PHF21A: variants seen among roughly 807,000 people sequenced by gnomAD.
PHF21A encodes the protein PHD finger protein 21A, also known as BHC80a.
Under a neutral mutation model 82.5 loss-of-function variants are expected in PHF21A, and 11 were observed. The observed-to-expected ratio is 0.13, with a 90% CI of 0.08 to 0.22. The LOEUF is 0.22. Ranked by LOEUF, PHF21A falls within the 10% of genes least tolerant of loss-of-function variation. The pLI, the probability that PHF21A is intolerant of heterozygous loss-of-function variation, is 1.00. For synonymous variants in PHF21A, 297 were observed against 302.8 expected, an observed-to-expected ratio of 0.98 and a Z score of 0.20; for missense variants, 579 against 837.8, an observed-to-expected ratio of 0.69 and a Z score of 3.81.
intron 18 of PHF21A, chr11:45,934,478 A>G: frequency 2.0e-6 from 1 of 488,160 alleles, no homozygotes; most frequent in Non-Finnish European, 3.6e-6. Flanking sequence ...GCGGGCACCA[A>G]CACACAGGAG....
intron 10 of PHF21A, among the ~76,000 whole-genome samples, chr11:45,961,372 A>G (rs986556170): frequency 6.6e-6 from 1 of 152,212 alleles, no homozygotes; most frequent in African/African-American, 2.4e-5. Flanking sequence ...GATTGAAGGC[A>G]AAGCAAAATC....
In PHF21A at chr11:45,949,523, G is replaced by C. The variant is rs1349739975; in HGVS notation, c.1148-42C>G. On this transcript the variant is annotated intron_variant, in intron 12 of 18. Transcript: ENST00000676320. ...GTTTTCATTAGCAGAGAGGCATGGA[G>C]AACCTAAAAAACTTAACTTCATTGT... is the stretch of plus-strand genomic sequence containing the variant. 4.0e-6 allele frequency: 6 copies of C among 1,512,966 alleles called. No homozygotes were observed. In the South Asian group the frequency reaches 6.7e-5, roughly 17 times the overall value. The allele number at this position is 1,512,966 out of a possible 1,614,324, so 93.7% of individuals were successfully genotyped here.
chr11:46,006,832 A>G (rs559507746), intron 6 of PHF21A, among the ~76,000 whole-genome samples: 183 of 152,362 alleles, frequency 1.2e-3, no homozygotes, highest in African/African-American at 4.2e-3. Flanking sequence ...TAATATTTCT[A>G]TTCTTTCCTT....
intron 6 of PHF21A, among the ~76,000 whole-genome samples, chr11:46,021,439 C>T (rs1015536423): frequency 6.6e-6 from 1 of 152,106 alleles, no homozygotes; most frequent in East Asian, 1.9e-4. Flanking sequence ...TCAGTATTGT[C>T]AATCTAGAAA....
chr11:45,958,188 A>C (rs977892115), intron 10 of PHF21A, among the ~76,000 whole-genome samples: 1 of 151,212 alleles, frequency 6.6e-6, no homozygotes, highest in African/African-American at 2.4e-5. Flanking sequence ...CAAACATTTA[A>C]AGAATTAGCA....
chr11:46,043,944 G>A (rs972740316), intron 6 of PHF21A, among the ~76,000 whole-genome samples: 6 of 152,144 alleles, frequency 3.9e-5, no homozygotes, highest in African/African-American at 1.4e-4. Flanking sequence ...TATACTTAAT[G>A]ATTTATATCA....
chr11:45,985,748 T>C (rs2094469353), intron 6 of PHF21A, among the ~76,000 whole-genome samples: 1 of 152,186 alleles, frequency 6.6e-6, no homozygotes, highest in Non-Finnish European at 1.5e-5. Context: ...CATATCCTTT[T>C]AAAATACCAC....
chr11:46,103,470 T>A (rs1302873034), intron 1 of PHF21A, among the ~76,000 whole-genome samples: 1 of 152,210 alleles, frequency 6.6e-6, no homozygotes, highest in Non-Finnish European at 1.5e-5. Flanking sequence ...CGAGCCAAAG[T>A]ACACCACTTT....
intron 6 of PHF21A, 130 bp downstream of exon 6, chr11:46,076,622 ATT>A: frequency 1.5e-6 from 1 of 680,286 alleles, no homozygotes; most frequent in Non-Finnish European, 2.5e-6. Context: ...CTCAAACAAA[ATT>A]AAAACCAAGT....
chr11:46,110,305 G>C (rs2097197605), intron 1 of PHF21A, among the ~76,000 whole-genome samples: 2 of 152,212 alleles, frequency 1.3e-5, no homozygotes, highest in East Asian at 3.9e-4. Context: ...CTACGTGACA[G>C]GAGTACACTT....
chr11:45,949,148 G>A (rs1348901910), intron 13 of PHF21A, among the ~76,000 whole-genome samples: 8 of 152,180 alleles, frequency 5.3e-5, no homozygotes, highest in African/African-American at 1.9e-4. Context: ...CTCTGTTGCC[G>A]ATGACAGCTG....
At chr11:45,943,105 T>A (rs1238781017) in intron 15 of PHF21A, among the ~76,000 whole-genome samples, 1 of 147,966 alleles carries the variant, frequency 6.8e-6, no homozygotes, top group Admixed American at 6.9e-5. Context: ...GCTATCATCA[T>A]CATCATCTTT....
At chr11:45,990,172 A>T (rs1345150850) in intron 6 of PHF21A, among the ~76,000 whole-genome samples, 1 of 151,824 alleles carries the variant, frequency 6.6e-6, no homozygotes, top group Admixed American at 6.6e-5. Flanking sequence ...CCACTAACAC[A>T]AACATACACA....
intron 2 of PHF21A, among the ~76,000 whole-genome samples, chr11:46,091,335 A>C (rs980550711): frequency 3.3e-5 from 5 of 152,170 alleles, no homozygotes; most frequent in African/African-American, 1.2e-4. Flanking sequence ...CTCTCCTAAT[A>C]AAGTTAATAT....
rs141450248 is a variant in PHF21A, at chr11:45,947,842, T to C, written c.1288+1044A>G. 7.9e-4 allele frequency among the ~76,000 whole-genome samples: 120 copies of C among 152,290 alleles called. 1 individual carries two copies. The East Asian group carries it at 0.022, about 28-fold the overall frequency. On this transcript the variant is annotated intron_variant, in intron 14 of 18. Transcript: ENST00000676320. ...GGTTACTGTGGCCCAGGAATCAATATAAAGCCATGACTTAGGGTTTCCCAT... is the reference window on the plus strand; with the variant it reads ...GGTTACTGTGGCCCAGGAATCAATACAAAGCCATGACTTAGGGTTTCCCAT...
intron 7 of PHF21A, 43 bp from the exon 8 acceptor site, chr11:45,971,410 C>T: frequency 2.6e-6 from 4 of 1,549,508 alleles, no homozygotes; most frequent in Non-Finnish European, 2.6e-6. Flanking sequence ...TAAATCTAAA[C>T]TAAATAATAA....
chr11:45,976,869 T>C (rs2094051847), intron 7 of PHF21A, among the ~76,000 whole-genome samples: 1 of 152,196 alleles, frequency 6.6e-6, no homozygotes, highest in Non-Finnish European at 1.5e-5. Flanking sequence ...ACCAGATTTG[T>C]AGTTTACCTG....
intron 1 of PHF21A, among the ~76,000 whole-genome samples, chr11:46,109,415 A>G (rs2097186636): frequency 6.6e-6 from 1 of 152,230 alleles, no homozygotes; most frequent in Non-Finnish European, 1.5e-5. Flanking sequence ...CTTGTCAAAC[A>G]TTTAAAATCT....
rs1452859819 is a variant in PHF21A at position 45,971,905 on chromosome 11, T to TTTTTTTTTTTTTTTTTTTTTTTTTTTTA, written c.361-539_361-538insTAAAAAAAAAAAAAAAAAAAAAAAAAAA. On this transcript the variant is annotated intron_variant, in intron 7 of 18. Coordinates refer to ENST00000676320, the MANE Select transcript of PHF21A (RefSeq NM_001352027.3). The stretch of plus-strand genomic sequence containing the variant: ...CTTTTTCTTTCTTTTTTTTTTTTTT[T>TTTTTTTTTTTTTTTTTTTTTTTTTTTTA]ATGGTGTCACCCTGGAGAGAAGGAA... 3.5e-3 allele frequency among the ~76,000 whole-genome samples: 314 copies of TTTTTTTTTTTTTTTTTTTTTTTTTTTTA among 89,784 alleles called. 62 individuals carry two copies. Among genetic ancestry groups the TTTTTTTTTTTTTTTTTTTTTTTTTTTTA allele is most frequent in the East Asian group, 0.013 (17 of 1,336 alleles). 58.9% of individuals were successfully genotyped at this position (89,784 alleles called of 152,430 possible).
Sources: gnomAD v4.1 joint callset for allele counts (sites outside exome capture counted in the v4.1 genomes callset) on GRCh38, gnomAD v4.1.1 for gene constraint, MANE v1.5 for transcripts, NCBI Gene and HGNC (gene_info 2026-07-23, HGNC 2026-07-21) for gene names.